MAP3K12: variants seen among roughly 807,000 people sequenced by gnomAD.
MAP3K12 encodes MAPK-upstream kinase.
In MAP3K12, 14 loss-of-function variants were observed where a neutral mutation model predicts 87.5. The ratio of observed to expected loss-of-function variants is 0.16; its 90% CI spans 0.11 to 0.25. The LOEUF (loss-of-function observed/expected upper bound fraction) is 0.25, where lower values mean the gene tolerates loss of function less well. Among genes scored for constraint, MAP3K12 ranks in the 10% least tolerant of loss-of-function variants. The probability of loss-of-function intolerance (pLI) is 1.00; values close to 1 mark genes in which losing one functional copy is unlikely to be tolerated. For synonymous variants in MAP3K12, 469 were observed against 452.5 expected (o/e 1.04, Z -0.46); for missense variants, 802 against 1,140.4 (o/e 0.70, Z 4.27).
chr12:53,498,254 C>T (rs1055348559), intron 1 of MAP3K12, among the ~76,000 whole-genome samples: 2 of 152,184 alleles, frequency 1.3e-5, no homozygotes, highest in African/African-American at 4.8e-5. Flanking sequence ...GAGTCCTATC[C>T]TTCCTAAATC....
chr12:53,488,728 A>G (rs1419484076), intron 1 of MAP3K12, among the ~76,000 whole-genome samples: 1 of 152,156 alleles, frequency 6.6e-6, no homozygotes, highest in East Asian at 1.9e-4. Flanking sequence ...GTGTTGGCTC[A>G]TGCCTGTAAT....
intron 1 of MAP3K12, among the ~76,000 whole-genome samples, chr12:53,494,047 A>AAC (rs946556071): frequency 2.0e-5 from 3 of 152,194 alleles, no homozygotes; most frequent in Admixed American, 6.5e-5. Flanking sequence ...CCTCTCTCCC[A>AAC]ACACACACAC....
chr12:53,484,382 TAGGA>T lies in MAP3K12; in HGVS notation c.1140-21_1140-18del, dbSNP rs765595844. The T allele has an allele frequency of 6.3e-7, 1 of 1,595,638 alleles. No homozygotes were observed. Among genetic ancestry groups the T allele is most frequent in the East Asian group, 2.2e-5 (1 of 44,778 alleles). On this transcript the variant is annotated intron_variant, in intron 6 of 13. Transcript: ENST00000547488. ...TTGCTATTCCTGAAAGGAATGGAGT[TAGGA>T]AGGAGAGGGGAGAATTTGAGGGAGG...
At chr12:53,491,015 G>A (rs1240392607) in intron 1 of MAP3K12, among the ~76,000 whole-genome samples, 1 of 152,006 alleles carries the variant, frequency 6.6e-6, no homozygotes, top group Non-Finnish European at 1.5e-5. Flanking sequence ...ACGGCTGGGC[G>A]TAGTGGCTCA....
chr12:53,484,024 T>G lies in MAP3K12; in HGVS notation c.1249-4A>C, dbSNP rs752540988. 6.2e-7 allele frequency: 1 copy of G among 1,613,698 alleles called. No individual in the cohort carries two copies. Among genetic ancestry groups the G allele is most frequent in the Admixed American group, 1.7e-5 (1 of 60,026 alleles). The stretch of plus-strand genomic sequence containing the variant: ...TTACTTCTTCCCGCCACTCTGCCTA[T>G]GGGTTGAGAGCAGATGAAGAGTGAG... On this transcript the variant is annotated splice_region_variant and splice_polypyrimidine_tract_variant and intron_variant, in intron 7 of 13. Coordinates refer to ENST00000547488, the MANE Select transcript of MAP3K12 (RefSeq NM_001193511.2).
chr12:53,500,952 G>A (rs976572287), upstream of MAP3K12: 1 of 165,012 alleles, frequency 6.1e-6, no homozygotes, highest in Non-Finnish European at 1.3e-5. Flanking sequence ...ATGGCGCGCG[G>A]GCTCTTGGGT....
chr12:53,484,922 C>T, intron 6 of MAP3K12, 134 bp downstream of exon 6: 14 of 1,165,014 alleles, frequency 1.2e-5, no homozygotes, highest in Non-Finnish European at 1.2e-6. Context: ...CAGAAGGTAG[C>T]ATGAGCCTGA....
At chr12:53,500,466 T>C (rs1394946378), upstream of MAP3K12, 1 of 152,270 alleles carries the variant, frequency 6.6e-6, no homozygotes, top group Non-Finnish European at 1.5e-5. Flanking sequence ...CCCAGAGGTT[T>C]CCTCGCCAGT....
chr12:53,483,212 A>T, intron 10 of MAP3K12, 23 bp from the exon 11 acceptor site: 2 of 1,525,598 alleles, frequency 1.3e-6, no homozygotes, highest in Non-Finnish European at 1.8e-6. Flanking sequence ...GAAAAGTAAA[A>T]GGTTAAGACT....
At chr12:53,497,343 G>A (rs1455618601) in intron 1 of MAP3K12, among the ~76,000 whole-genome samples, 1 of 152,098 alleles carries the variant, frequency 6.6e-6, no homozygotes, top group African/African-American at 2.4e-5. Flanking sequence ...CAAAGCAAGT[G>A]CCAGTAGGGA....
Position 53,482,670 on chromosome 12 carries a change from C to T in MAP3K12, c.2133G>A (p.Leu711=). Residue 711 remains leucine, a synonymous_variant, in exon 11 of 14, where the codon CTG becomes CTA. Transcript: ENST00000547488. ...CTGAGGTCCCTTCCCTTCCAGTTCC[C>T]AGAAGCCCCACACCTTCACCAGGCC... ...PVGPGEGVGL[L]GTGREGTSGR... The T allele has an allele frequency of 6.2e-7, 1 of 1,613,962 alleles. No individual in the cohort carries two copies. Among genetic ancestry groups the T allele is most frequent in the Non-Finnish European group, 8.5e-7 (1 of 1,180,022 alleles).
Position 53,487,326 on chromosome 12 carries a change from A to C in MAP3K12, c.66T>G (p.Ser22Arg). The C allele has an allele frequency of 6.2e-7, 1 of 1,613,994 alleles. No individual in the cohort carries two copies. The highest frequency in any genetic ancestry group is 8.5e-7 in the Non-Finnish European group (1 of 1,179,986). ...GGTCCAGCTTGCGCATGGATGCCTC[A>C]CTTAGGGTAGACACAAAGCCCCCAA... is the stretch of plus-strand genomic sequence containing the variant. The part of the protein sequence containing the change: ...PSFGGFVSTL[S>R]EASMRKLDPD... The change falls in exon 2 of 14, where the codon AGT becomes AGG. Residue 22 changes from serine to arginine, a missense_variant. Transcript: ENST00000547488.
Position 53,485,091 on chromosome 12 carries a change from G to A in MAP3K12, c.1104C>T (p.Cys368=). ...NSLHLPVPSS[C]PDGFKILLRQ... ...GAAGCAGGATCTTGAAACCATCTGG[G>A]CAACTGGAGGGCACGGGCAGATGGA... Residue 368 remains cysteine, a synonymous_variant, in exon 6 of 14, where the codon TGC becomes TGT. Transcript: ENST00000547488. 6.2e-7 allele frequency: 1 copy of A among 1,614,188 alleles called. No individual in the cohort carries two copies. The highest frequency in any genetic ancestry group is 8.5e-7 in the Non-Finnish European group (1 of 1,180,036).
At position 53,483,126 on chromosome 12, in the gene MAP3K12, C is replaced by T; in HGVS notation, c.1677G>A (p.Gly559=). Residue 559 remains glycine (G), a synonymous_variant, in exon 11 of 14, where the codon GGG becomes GGA. Transcript: ENST00000547488. ...PKLDAALSGV[G]LPGCPKGPPS... is the part of the protein sequence containing the mutation. ...GGGGGCCCTTAGGACACCCAGGAAG[C>T]CCCACCCCACTCAGGGCTGCATCTA... The T allele has an allele frequency of 6.6e-7, 1 of 1,520,860 alleles. No individual in the cohort carries two copies. Among genetic ancestry groups the T allele is most frequent in the Non-Finnish European group, 8.8e-7 (1 of 1,136,582 alleles). 94.2% of individuals were successfully genotyped at this position (1,520,860 alleles called of 1,614,324 possible). A position where few individuals can be genotyped will look rare whatever the true frequency, so the allele number is the denominator to read the frequency against.
At chr12:53,500,492 T>G (rs947131923), upstream of MAP3K12, 1 of 152,386 alleles carries the variant, frequency 6.6e-6, no homozygotes, top group Admixed American at 6.5e-5. Context: ...AGAGGTTCAC[T>G]AGAGCGGTTC....
rs1481410222 is a variant in MAP3K12 at position 53,487,078 on chromosome 12, A to G, written c.314T>C (p.Val105Ala). Residue 105 changes from valine to alanine, a missense_variant, in exon 2 of 14, where the codon GTT becomes GCT. Coordinates refer to ENST00000547488, the MANE Select transcript of MAP3K12 (RefSeq NM_001193511.2). ...AGSPESRASR[V>A]RADEVRLQCQ... ...CTGCAGTCGCACCTCGTCAGCTCGA[A>G]CTCTGGATGCCCGACTCTCAGGTGA... 1 of 1,613,562 alleles carries G rather than the reference A, an allele frequency of 6.2e-7. No individual in the cohort carries two copies. Among genetic ancestry groups the G allele is most frequent in the African/African-American group, 1.3e-5 (1 of 74,764 alleles).
At position 53,486,383 on chromosome 12, in the gene MAP3K12, G is replaced by A; in HGVS notation, c.629+56C>T. 7 of 1,594,576 alleles carry A rather than the reference G, an allele frequency of 4.4e-6. No homozygotes were observed. The highest frequency in any genetic ancestry group is 6.0e-6 in the Non-Finnish European group (7 of 1,168,128). On this transcript the variant is annotated intron_variant, in intron 3 of 13. Coordinates refer to ENST00000547488, the MANE Select transcript of MAP3K12 (RefSeq NM_001193511.2). The surrounding 1 kb of genome is among the most constrained non-coding windows in gnomAD (Gnocchi z 4.9). The stretch of plus-strand genomic sequence containing the variant: ...ATGGGGTAGGTCCCACTGCCCAGGA[G>A]GGTACCAGGCCTTAGCATAGTATCC...
chr12:53,482,296 T>TA lies in MAP3K12; in HGVS notation c.2309+2dup, dbSNP rs1565882931. ...CATTAATTCTTGTAATGCCATCACT[T>TA]ACCTCTGGCTTGATGTCAGCTCTAC... On this transcript the variant is annotated splice_region_variant and intron_variant, in intron 12 of 13. Transcript: ENST00000547488. 9.3e-6 allele frequency: 15 copies of TA among 1,614,144 alleles called. No individual in the cohort carries two copies. Among genetic ancestry groups the TA allele is most frequent in the Admixed American group, 5.0e-5 (3 of 60,028 alleles).
chr12:53,491,301 A>AAAAAAG (rs796169121), intron 1 of MAP3K12, among the ~76,000 whole-genome samples: 2 of 101,594 alleles, frequency 2.0e-5, no homozygotes, highest in East Asian at 2.3e-4. Context: ...AAAAAAAAAA[A>AAAAAAG]AAAAGAAAAG....
Sources: gnomAD v4.1 joint callset for allele counts (sites outside exome capture counted in the v4.1 genomes callset) on GRCh38, gnomAD v4.1.1 for gene constraint, Gnocchi (gnomAD v3.1) non-coding constraint, MANE v1.5 for transcripts, NCBI Gene and HGNC (gene_info 2026-07-23, HGNC 2026-07-21) for gene names.